SLC20A1: variants seen among roughly 807,000 people sequenced by gnomAD.
SLC20A1 encodes solute carrier family 20 member 1.
A neutral mutation model predicts 62.7 loss-of-function variants in SLC20A1; 28 were observed. The observed-to-expected ratio is 0.45, with a 90% CI of 0.33 to 0.61. The LOEUF (loss-of-function observed/expected upper bound fraction) is 0.61. Ranked by LOEUF, SLC20A1 falls within the 20% of genes least tolerant of loss-of-function variation. SLC20A1 has a pLI of 0.02. For missense variants in SLC20A1, 673 were observed against 838.6 expected (o/e 0.80, Z 2.44); for synonymous variants, 305 against 302.9 (o/e 1.01, Z -0.07).
At chr2:112,653,668 T>G (rs904891290) in intron 5 of SLC20A1, among the ~76,000 whole-genome samples, 2 of 119,260 alleles carry the variant, frequency 1.7e-5, no homozygotes, top group African/African-American at 2.5e-5. Flanking sequence ...CTCTTTTTTT[T>G]TTTCTTAACA....
intron 5 of SLC20A1, among the ~76,000 whole-genome samples, chr2:112,653,907 T>C (rs1486069629): frequency 2.0e-5 from 3 of 152,098 alleles, no homozygotes. Context: ...ATTCTCCTGC[T>C]TCAGCCTCCC....
chr2:112,657,088 T>C (rs1319651876), intron 5 of SLC20A1, 34 bp from the exon 6 acceptor site: 1 of 1,613,410 alleles, frequency 6.2e-7, no homozygotes, highest in African/African-American at 1.3e-5. Context: ...GCTGTTGCCC[T>C]GGGGTTTTCA....
rs1487650594 is a variant in SLC20A1, at chr2:112,649,327, A to G, written c.561+1589A>G. The stretch of plus-strand genomic sequence containing the variant: ...AGTGTTTAAAACAATATTGACTTTG[A>G]GGATCTTCCCCCACTCTGTGCACGT... On this transcript the variant is annotated intron_variant, in intron 4 of 10. Coordinates refer to ENST00000272542, the MANE Select transcript of SLC20A1 (RefSeq NM_005415.5). Among the ~76,000 whole-genome samples, 3 of 152,314 alleles carry G rather than the reference A, an allele frequency of 2.0e-5. No individual in the cohort carries two copies. The East Asian group carries it at 5.8e-4, about 29-fold the overall frequency.
intron 8 of SLC20A1, 104 bp downstream of exon 8, chr2:112,659,866 C>T (rs1325426372): frequency 1.1e-6 from 1 of 918,478 alleles, no homozygotes; most frequent in East Asian, 2.5e-5. Flanking sequence ...TTTACAGGAC[C>T]CCAAATAATA....
chr2:112,647,829 T>A, intron 4 of SLC20A1, 91 bp downstream of exon 4: 1 of 1,017,284 alleles, frequency 9.8e-7, no homozygotes, highest in Non-Finnish European at 1.6e-6. Flanking sequence ...GATTGGTGTA[T>A]AGGTATGCGG....
At chr2:112,651,198 G>A (rs1281276383) in intron 4 of SLC20A1, among the ~76,000 whole-genome samples, 1 of 152,046 alleles carries the variant, frequency 6.6e-6, no homozygotes, top group African/African-American at 2.4e-5. Flanking sequence ...TTTACACATG[G>A]GTCTGAGCTT....
rs781718864 is a variant in SLC20A1, at chr2:112,647,749, T to TC, written c.561+16dup. ...TTCATCCTCCATAAGGTAACCTTTCTCCCCCGTATGAAGACCTTTCATGGA... is the reference window on the plus strand; with the variant it reads ...TTCATCCTCCATAAGGTAACCTTTCTCCCCCCGTATGAAGACCTTTCATGGA... On this transcript the variant is annotated intron_variant, in intron 4 of 10. Transcript: ENST00000272542. The TC allele has an allele frequency of 1.9e-6, 3 of 1,602,876 alleles. No individual in the cohort carries two copies. The highest frequency in any genetic ancestry group is 2.6e-6 in the Non-Finnish European group (3 of 1,169,770).
chr2:112,659,706 C>G lies in SLC20A1; in HGVS notation c.1551C>G (p.Phe517Leu). Residue 517 changes from phenylalanine (F) to leucine (L), a missense_variant, in exon 8 of 11, where the codon TTC becomes TTG. Physicochemically the swap from Phe to Leu is conservative, Grantham distance 22. Coordinates refer to ENST00000272542, the MANE Select transcript of SLC20A1 (RefSeq NM_005415.5). ...CTGAAGTCTCTCTCCTCTTCCAGTT[C>G]CTGCAGATCCTTACAGCCTGCTTTG... ...DKPEVSLLFQ[F>L]LQILTACFGS... The G allele has an allele frequency of 6.2e-7, 1 of 1,614,200 alleles. No individual in the cohort carries two copies. Among genetic ancestry groups the G allele is most frequent in the Non-Finnish European group, 8.5e-7 (1 of 1,180,018 alleles).
intron 5 of SLC20A1, among the ~76,000 whole-genome samples, chr2:112,654,595 A>C (rs537752364): frequency 2.6e-5 from 4 of 152,252 alleles, no homozygotes; most frequent in Admixed American, 2.0e-4. Flanking sequence ...ATACATAGTC[A>C]CCATAGAATT....
intron 10 of SLC20A1, among the ~76,000 whole-genome samples, chr2:112,661,509 T>G (rs990667106): frequency 2.0e-5 from 3 of 152,064 alleles, no homozygotes; most frequent in Non-Finnish European, 4.4e-5. Context: ...AATAATTTTT[T>G]TTTTAATCTC....
chr2:112,656,937 A>T lies in SLC20A1; in HGVS notation c.659-185A>T, dbSNP rs1574187137. ...GGCTGGTGTGGGTTTTCAGATGATC[A>T]TTGAGTTTTTCTCCCAAATTTGTAT... On this transcript the variant is annotated intron_variant, in intron 5 of 10. Coordinates refer to ENST00000272542, the MANE Select transcript of SLC20A1 (RefSeq NM_005415.5). 2.3e-5 allele frequency: 16 copies of T among 695,094 alleles called. No individual in the cohort carries two copies. The East Asian group carries it at 4.0e-4, about 17-fold the overall frequency. 43.1% of individuals were successfully genotyped at this position (695,094 alleles called of 1,614,324 possible). A position where few individuals can be genotyped will look rare whatever the true frequency, so the allele number is the denominator to read the frequency against.
intron 5 of SLC20A1, among the ~76,000 whole-genome samples, chr2:112,656,679 G>A (rs1686597466): frequency 6.6e-6 from 1 of 152,200 alleles, no homozygotes; most frequent in African/African-American, 2.4e-5. Flanking sequence ...CATGACAAAT[G>A]TGACTACTGA....
chr2:112,647,501 T>C, intron 3 of SLC20A1, 37 bp downstream of exon 3: 1 of 1,604,972 alleles, frequency 6.2e-7, no homozygotes, highest in South Asian at 1.1e-5. Flanking sequence ...AATTTTCGTT[T>C]TCGTCATATG....
chr2:112,647,565 A>C, intron 3 of SLC20A1, 88 bp from the exon 4 acceptor site: 1 of 1,576,586 alleles, frequency 6.3e-7, no homozygotes, highest in Non-Finnish European at 8.7e-7. Flanking sequence ...GGACAGACCC[A>C]AGAATTTTGA....
At chr2:112,656,145 T>G (rs1686577911) in intron 5 of SLC20A1, among the ~76,000 whole-genome samples, 1 of 151,520 alleles carries the variant, frequency 6.6e-6, no homozygotes, top group Non-Finnish European at 1.5e-5. Flanking sequence ...GTAAGACTTG[T>G]AAGTGAAATT....
rs1686289093 is a variant in SLC20A1, at chr2:112,646,728, T to C, written c.-101T>C. On this transcript the variant is annotated 5_prime_UTR_variant, in exon 2 of 11. Coordinates refer to ENST00000272542, the MANE Select transcript of SLC20A1 (RefSeq NM_005415.5). ...GTTTACAGTATTTAATTTTATATAA[T>C]ATATATTATTTATTATAGCATTTTT... The C allele has an allele frequency of 1.8e-5, 9 of 490,674 alleles. No individual in the cohort carries two copies. The South Asian group carries it at 2.2e-4, about 12-fold the overall frequency. 30.4% of individuals were successfully genotyped at this position (490,674 alleles called of 1,614,324 possible).
chr2:112,649,582 A>G (rs1686379118), intron 4 of SLC20A1, among the ~76,000 whole-genome samples: 1 of 152,196 alleles, frequency 6.6e-6, no homozygotes, highest in Non-Finnish European at 1.5e-5. Context: ...TTAATTTCAA[A>G]AAATTGCTTT....
chr2:112,663,301 T>C lies in SLC20A1; in HGVS notation c.*276T>C, dbSNP rs1686800287. The C allele has an allele frequency of 2.2e-6, 1 of 460,688 alleles. No individual in the cohort carries two copies. Among genetic ancestry groups the C allele is most frequent in the Non-Finnish European group, 4.2e-6 (1 of 237,642 alleles). 28.5% of individuals were successfully genotyped at this position (460,688 alleles called of 1,614,324 possible). A position where few individuals can be genotyped will look rare whatever the true frequency, so the allele number is the denominator to read the frequency against. On this transcript the variant is annotated 3_prime_UTR_variant, in exon 11 of 11. Transcript: ENST00000272542. ...CCTGTACATATTTCTCTACTTTTTG[T>C]ATCAGGCTTCAATTCCATTATGTTT...
chr2:112,648,900 A>G (rs369748280), intron 4 of SLC20A1, among the ~76,000 whole-genome samples: 5 of 152,350 alleles, frequency 3.3e-5, no homozygotes, highest in South Asian at 2.1e-4. Context: ...ACCAGTAGTC[A>G]TGGACCAGAT....
Sources: gnomAD v4.1 joint callset for allele counts (sites outside exome capture counted in the v4.1 genomes callset) on GRCh38, gnomAD v4.1.1 for gene constraint, MANE v1.5 for transcripts, NCBI Gene and HGNC (gene_info 2026-07-23, HGNC 2026-07-21) for gene names.